PAQR5: variants seen among roughly 807,000 people sequenced by gnomAD.
PAQR5 encodes membrane progestin receptor gamma.
In PAQR5, 20 loss-of-function variants were observed where a neutral mutation model predicts 34.5. The ratio of observed to expected loss-of-function variants is 0.58; its 90% CI spans 0.41 to 0.84. PAQR5 has a LOEUF of 0.84. Ranked by LOEUF, PAQR5 falls within the 40% of genes least tolerant of loss-of-function variation. The probability of loss-of-function intolerance (pLI) is 0.00; values close to 1 mark genes in which losing one functional copy is unlikely to be tolerated. For synonymous variants in PAQR5, 131 were observed against 155.6 expected (o/e 0.84, Z 1.18); for missense variants, 378 against 412.7 (o/e 0.92, Z 0.73).
chr15:69,393,568 T>C (rs1302872854), intron 6 of PAQR5, among the ~76,000 whole-genome samples: 2 of 152,120 alleles, frequency 1.3e-5, no homozygotes, highest in Non-Finnish European at 2.9e-5. Context: ...TTCTCCAAGC[T>C]TCCTTTCCCA....
intron 4 of PAQR5, 98 bp downstream of exon 4, chr15:69,380,108 T>G (rs2055841947): frequency 7.2e-7 from 1 of 1,387,234 alleles, no homozygotes; most frequent in Non-Finnish European, 1.0e-6. Flanking sequence ...TGAGATTCTG[T>G]GCTGGGGTTT....
At chr15:69,347,907 T>C (rs1489658176) in intron 2 of PAQR5, among the ~76,000 whole-genome samples, 1 of 152,174 alleles carries the variant, frequency 6.6e-6, no homozygotes, top group Non-Finnish European at 1.5e-5. Context: ...GAATTAAGCT[T>C]CAACATATGA....
At chr15:69,374,976 G>C (rs550397912) in intron 3 of PAQR5, among the ~76,000 whole-genome samples, 1 of 152,098 alleles carries the variant, frequency 6.6e-6, no homozygotes, top group Non-Finnish European at 1.5e-5. Flanking sequence ...GCAGACTCTC[G>C]CCCCAGCCAC....
intron 2 of PAQR5, among the ~76,000 whole-genome samples, chr15:69,339,495 CAG>C (rs1470731020): frequency 2.0e-5 from 3 of 151,974 alleles, no homozygotes; most frequent in African/African-American, 4.8e-5. Flanking sequence ...GTTTTTGAGA[CAG>C]AGTCTTGTTC....
At position 69,404,876 on chromosome 15, in the gene PAQR5, A is replaced by T; in HGVS notation, c.*1054A>T. ...GGTTCTGCTTCACTAGGTTAAATGTAGGTTTTGTAGAGGAGATCTGCACTG... is the reference window on the plus strand; with the variant it reads ...GGTTCTGCTTCACTAGGTTAAATGTTGGTTTTGTAGAGGAGATCTGCACTG... On this transcript the variant is annotated 3_prime_UTR_variant, in exon 9 of 9. Transcript: ENST00000395407. 1 of 398,282 alleles carries T rather than the reference A, an allele frequency of 2.5e-6. No homozygotes were observed. The highest frequency in any genetic ancestry group is 4.4e-5 in the Admixed American group (1 of 22,722). The allele number at this position is 398,282 out of a possible 1,614,324, so 24.7% of individuals were successfully genotyped here.
chr15:69,311,463 T>TAGTCACAGGGCAAGCAATCAGCCCA (rs2053832833), intron 1 of PAQR5, among the ~76,000 whole-genome samples: 1 of 152,182 alleles, frequency 6.6e-6, no homozygotes, highest in African/African-American at 2.4e-5. Context: ...TGGCATTTGT[T>TAGTCACAGGGCAAGCAATCAGCCCA]AGTCACAGGG....
intron 1 of PAQR5, among the ~76,000 whole-genome samples, chr15:69,318,386 G>A (rs1413447921): frequency 6.6e-6 from 1 of 152,216 alleles, no homozygotes; most frequent in East Asian, 1.9e-4. Flanking sequence ...CCAGGTGGAG[G>A]CAGGTGATCC....
chr15:69,303,968 C>A (rs11072079), intron 1 of PAQR5, among the ~76,000 whole-genome samples: 70,329 of 152,090 alleles, frequency 0.46, 19,074 homozygotes, highest in Middle Eastern at 0.62. Context: ...TGCACCTGAA[C>A]CTTGGAGCTG....
At chr15:69,368,704 G>A (rs1046157999) in intron 3 of PAQR5, among the ~76,000 whole-genome samples, 1 of 151,632 alleles carries the variant, frequency 6.6e-6, no homozygotes, top group African/African-American at 2.4e-5. Flanking sequence ...GACAGGTCTG[G>A]TGTATTATTT....
At chr15:69,382,942 G>C (rs1215529671) in intron 4 of PAQR5, 2 of 151,058 alleles carry the variant, frequency 1.3e-5, no homozygotes, top group Non-Finnish European at 2.9e-5. Context: ...CAATGAAGGA[G>C]AACTTTCCAG....
chr15:69,391,928 G>A (rs1009367137), intron 6 of PAQR5: 4 of 391,052 alleles, frequency 1.0e-5, no homozygotes, highest in East Asian at 7.5e-5. Context: ...GTGGTGGCAG[G>A]TACCTGTAAT....
intron 4 of PAQR5, among the ~76,000 whole-genome samples, chr15:69,381,599 C>A (rs956387990): frequency 1.3e-5 from 2 of 152,132 alleles, no homozygotes; most frequent in African/African-American, 4.8e-5. Flanking sequence ...GTGAGCCGCA[C>A]CCCCATCACC....
intron 4 of PAQR5, among the ~76,000 whole-genome samples, chr15:69,382,690 A>G (rs1260755478): frequency 0.016 from 1,110 of 68,124 alleles, 75 homozygotes; most frequent in African/African-American, 0.059. Flanking sequence ...ATATATATAT[A>G]TATATATATA....
At chr15:69,361,966 G>T (rs1256714938) in intron 3 of PAQR5, among the ~76,000 whole-genome samples, 4 of 152,000 alleles carry the variant, frequency 2.6e-5, no homozygotes, top group South Asian at 2.1e-4. Flanking sequence ...ATGGTGGGGG[G>T]ACTGGGGAGC....
At position 69,385,773 on chromosome 15, in the gene PAQR5, GAC is replaced by G. The variant is rs1567035341; in HGVS notation, c.385+898_385+899del. ...TCACACAAACACACACTCATGCACT[GAC>G]ACACACTGACACACACACATACAAT... On this transcript the variant is annotated intron_variant, in intron 5 of 8. Coordinates refer to ENST00000395407, the MANE Select transcript of PAQR5 (RefSeq NM_017705.4). The surrounding 1 kb of genome is among the most constrained non-coding windows in gnomAD (Gnocchi z 4.7). Among the ~76,000 whole-genome samples the G allele has an allele frequency of 1.3e-5, 2 of 151,428 alleles. No individual in the cohort carries two copies. The highest frequency in any genetic ancestry group is 6.6e-5 in the Admixed American group (1 of 15,166).
intron 1 of PAQR5, among the ~76,000 whole-genome samples, chr15:69,335,176 A>G (rs1011576247): frequency 4.7e-5 from 7 of 150,442 alleles, no homozygotes; most frequent in African/African-American, 1.7e-4. Flanking sequence ...GTGAGTCAAG[A>G]TTGTGCTCAA....
intron 3 of PAQR5, among the ~76,000 whole-genome samples, chr15:69,367,601 C>A (rs1432447652): frequency 6.6e-6 from 1 of 152,198 alleles, no homozygotes; most frequent in African/African-American, 2.4e-5. Flanking sequence ...AGCAATACCA[C>A]CCTGAACACA....
At chr15:69,374,995 A>G (rs372969938) in intron 3 of PAQR5, among the ~76,000 whole-genome samples, 1 of 152,340 alleles carries the variant, frequency 6.6e-6, no homozygotes, top group African/African-American at 2.4e-5. Flanking sequence ...ACCACACTGC[A>G]GTAAGGTGCC....
intron 4 of PAQR5, among the ~76,000 whole-genome samples, chr15:69,381,540 G>GGATCCC (rs1458985991): frequency 6.6e-6 from 1 of 152,162 alleles, no homozygotes. Flanking sequence ...CTCCATGCAT[G>GGATCCC]GATCCCTGTA....
Sources: gnomAD v4.1 joint callset for allele counts (sites outside exome capture counted in the v4.1 genomes callset) on GRCh38, gnomAD v4.1.1 for gene constraint, Gnocchi (gnomAD v3.1) non-coding constraint, MANE v1.5 for transcripts, NCBI Gene and HGNC (gene_info 2026-07-23, HGNC 2026-07-21) for gene names.